TAB2: variants seen among roughly 807,000 people sequenced by gnomAD.
TAB2 encodes the protein TGF-beta activated kinase 1 (MAP3K7) binding protein 2, also known as TGF-beta-activated kinase 1 and MAP3K7-binding protein 2.
TAB2 carries 3 observed loss-of-function variants against 65.0 expected under a neutral mutation model. The observed-to-expected ratio is 0.05, with a 90% CI of 0.02 to 0.12. The LOEUF (loss-of-function observed/expected upper bound fraction) is 0.12, where lower values mean the gene tolerates loss of function less well. Among genes scored for constraint, TAB2 ranks in the 10% least tolerant of loss-of-function variants. TAB2 has a pLI of 1.00. For missense variants in TAB2, 623 were observed against 840.3 expected, an observed-to-expected ratio of 0.74 and a Z score of 3.20; for synonymous variants, 298 against 285.1, an observed-to-expected ratio of 1.05 and a Z score of -0.46.
intron 1 of TAB2, among the ~76,000 whole-genome samples, chr6:149,353,192 C>T (rs1019952433): frequency 6.6e-6 from 1 of 152,090 alleles, no homozygotes; most frequent in Non-Finnish European, 1.5e-5. Context: ...TTTGAGTTAC[C>T]TCCCCAACTT....
intron 1 of TAB2, among the ~76,000 whole-genome samples, chr6:149,237,895 T>A (rs960963513): frequency 1.3e-5 from 2 of 152,216 alleles, no homozygotes; most frequent in Non-Finnish European, 2.9e-5. Context: ...CATCCACTTT[T>A]TCTTCAAAAC....
chr6:149,317,421 GCC>G (rs1779285066), upstream of TAB2: 1 of 24,074 alleles, frequency 4.2e-5, no homozygotes, highest in Non-Finnish European at 6.3e-5. The surrounding 1 kb of genome is among the most constrained non-coding windows in gnomAD (Gnocchi z 4.7). Flanking sequence ...AGCCGCAGCC[GCC>G]GCCGCCGCCG....
intron 1 of TAB2, among the ~76,000 whole-genome samples, chr6:149,272,279 T>C (rs1306735287): frequency 6.6e-6 from 1 of 152,222 alleles, no homozygotes; most frequent in Non-Finnish European, 1.5e-5. Flanking sequence ...CCAGATGATT[T>C]CATTTCCTAC....
intron 2 of TAB2, among the ~76,000 whole-genome samples, 186 bp downstream of exon 2, chr6:149,370,285 A>G (rs917387146): frequency 6.6e-6 from 1 of 152,212 alleles, no homozygotes; most frequent in African/African-American, 2.4e-5. Context: ...CATCTGTAGT[A>G]TGGATAATAC....
chr6:149,272,271 AGAT>A (rs1220221779), intron 1 of TAB2, among the ~76,000 whole-genome samples: 16 of 152,240 alleles, frequency 1.1e-4, no homozygotes, highest in African/African-American at 3.9e-4. Context: ...AGAGTTTCCC[AGAT>A]GATTTCATTT....
chr6:149,320,750 A>G (rs894937660), intron 1 of TAB2, among the ~76,000 whole-genome samples: 1 of 152,170 alleles, frequency 6.6e-6, no homozygotes, highest in Admixed American at 6.5e-5. Context: ...GCCTTGTTAT[A>G]GATATTTTGG....
chr6:149,276,403 A>G (rs902306014), intron 1 of TAB2, among the ~76,000 whole-genome samples: 4 of 152,232 alleles, frequency 2.6e-5, no homozygotes, highest in African/African-American at 9.6e-5. Flanking sequence ...GCTAGCGATG[A>G]GACATTGTAC....
chr6:149,282,091 G>C (rs1265889324), intron 1 of TAB2, among the ~76,000 whole-genome samples: 1 of 152,042 alleles, frequency 6.6e-6, no homozygotes, highest in Non-Finnish European at 1.5e-5. Context: ...GCTTAAACCT[G>C]GGAGATGGTG....
upstream of TAB2, among the ~76,000 whole-genome samples, chr6:149,313,571 T>C (rs1779200730): frequency 6.6e-6 from 1 of 152,210 alleles, no homozygotes; most frequent in Non-Finnish European, 1.5e-5. Flanking sequence ...TCCAGTCCCA[T>C]GTTTTCACCT....
chr6:149,409,740 C>A lies in TAB2; in HGVS notation c.*21C>A. 6.2e-7 allele frequency: 1 copy of A among 1,613,862 alleles called. No individual in the cohort carries two copies. Among genetic ancestry groups the A allele is most frequent in the East Asian group, 2.2e-5 (1 of 44,880 alleles). On this transcript the variant is annotated 3_prime_UTR_variant, in exon 7 of 7. Transcript: ENST00000637181. Reference sequence around the variant, plus strand: ...TCTGAGCCAAATGGCCCTGTATCTTCTCTAAAACCACATCTAAAGTTCAAG... The same window carrying A: ...TCTGAGCCAAATGGCCCTGTATCTTATCTAAAACCACATCTAAAGTTCAAG...
chr6:149,385,539 T>TAA (rs1781763624), intron 3 of TAB2, among the ~76,000 whole-genome samples: 1 of 152,248 alleles, frequency 6.6e-6, no homozygotes, highest in Non-Finnish European at 1.5e-5. Flanking sequence ...TAGTTGACAT[T>TAA]GGACCACTTA....
chr6:149,371,589 C>T (rs1386183687), intron 2 of TAB2, among the ~76,000 whole-genome samples: 1 of 152,168 alleles, frequency 6.6e-6, no homozygotes, highest in Non-Finnish European at 1.5e-5. Flanking sequence ...ACTTAATTAA[C>T]TTCTCTGACC....
chr6:149,235,638 G>C (rs1308368176), intron 1 of TAB2, among the ~76,000 whole-genome samples: 2 of 152,186 alleles, frequency 1.3e-5, no homozygotes, highest in Non-Finnish European at 2.9e-5. Flanking sequence ...AGAAACAGAG[G>C]GCTCCAGAAA....
intron 1 of TAB2, among the ~76,000 whole-genome samples, chr6:149,350,855 T>C (rs1189562209): frequency 6.6e-6 from 1 of 152,102 alleles, no homozygotes; most frequent in African/African-American, 2.4e-5. Context: ...TAAAATGATG[T>C]ATATATATAG....
chr6:149,290,666 A>C (rs1778759066), intron 1 of TAB2, among the ~76,000 whole-genome samples: 3 of 152,140 alleles, frequency 2.0e-5, no homozygotes, highest in Admixed American at 2.0e-4. Context: ...CAACATGGCA[A>C]GATCCCGTCT....
chr6:149,243,708 A>G (rs1777645656), intron 1 of TAB2: 1 of 152,232 alleles, frequency 6.6e-6, no homozygotes. Context: ...TTCATTTTAA[A>G]TATCCTACTT....
chr6:149,332,646 C>T (rs987320803), intron 1 of TAB2, among the ~76,000 whole-genome samples: 1 of 152,090 alleles, frequency 6.6e-6, no homozygotes, highest in Non-Finnish European at 1.5e-5. Flanking sequence ...AAGGGTTTGA[C>T]ACTTATTAAG....
chr6:149,346,516 TGATCTCG>T (rs1780309600), intron 1 of TAB2: 1 of 146,262 alleles, frequency 6.8e-6, no homozygotes, highest in African/African-American at 2.6e-5. Context: ...TGCAATGGTG[TGATCTCG>T]GCTTACTGCA....
At chr6:149,307,620 G>T (rs372174564) in intron 1 of TAB2, among the ~76,000 whole-genome samples, 1 of 151,744 alleles carries the variant, frequency 6.6e-6, no homozygotes, top group East Asian at 1.9e-4. Flanking sequence ...ATTTACAAAG[G>T]TTTCCCTACT....
Sources: allele counts gnomAD v4.1 joint callset (sites outside exome capture counted in the v4.1 genomes callset), GRCh38; gene constraint gnomAD v4.1.1; non-coding constraint Gnocchi (gnomAD v3.1); transcripts MANE v1.5; gene names NCBI Gene and HGNC (gene_info 2026-07-23, HGNC 2026-07-21).